The following TRIM2 variants were observed in gnomAD, a reference collection of about 807,000 sequenced individuals.
The protein encoded by TRIM2 is tripartite motif-containing protein 2.
A neutral mutation model predicts 75.2 loss-of-function variants in TRIM2; 20 were observed. That is an observed-to-expected ratio of 0.27 (90% CI 0.19 to 0.39). The LOEUF (loss-of-function observed/expected upper bound fraction) is 0.39. TRIM2 is among the 10% of genes least tolerant of loss of function. TRIM2 has a pLI of 1.00. For synonymous variants in TRIM2, 373 were observed against 388.3 expected, an observed-to-expected ratio of 0.96 and a Z score of 0.46; for missense variants, 660 against 990.8, an observed-to-expected ratio of 0.67 and a Z score of 4.48.
intron 1 of TRIM2, among the ~76,000 whole-genome samples, chr4:153,210,867 G>T (rs139484719): frequency 6.6e-6 from 1 of 152,170 alleles, no homozygotes; most frequent in Non-Finnish European, 1.5e-5. Flanking sequence ...CCCAGAAGCC[G>T]TGTTGGAACT....
chr4:153,241,987 A>T (rs1292401281), intron 1 of TRIM2, among the ~76,000 whole-genome samples: 4 of 152,220 alleles, frequency 2.6e-5, no homozygotes. Context: ...GCAAACAAAC[A>T]TGTGTTAATA....
chr4:153,217,795 A>G (rs1434658642), intron 1 of TRIM2, among the ~76,000 whole-genome samples: 2 of 152,220 alleles, frequency 1.3e-5, no homozygotes, highest in Non-Finnish European at 2.9e-5. Flanking sequence ...ATGTTCACAC[A>G]GTCATAGCCA....
At chr4:153,264,580 T>C (rs1331002532) in intron 1 of TRIM2, among the ~76,000 whole-genome samples, 1 of 152,228 alleles carries the variant, frequency 6.6e-6, no homozygotes, top group South Asian at 2.1e-4. Context: ...AGCATGTATA[T>C]AAAACATTTG....
At chr4:153,170,250 C>A (rs1006734016) in intron 1 of TRIM2, among the ~76,000 whole-genome samples, 2 of 152,196 alleles carry the variant, frequency 1.3e-5, no homozygotes, top group African/African-American at 4.8e-5. Flanking sequence ...TTGTAACAAA[C>A]AAGTTAATCT....
At chr4:153,241,450 TAAACAAAC>T (rs551446868) in intron 1 of TRIM2, among the ~76,000 whole-genome samples, 6 of 152,162 alleles carry the variant, frequency 3.9e-5, no homozygotes, top group Non-Finnish European at 8.8e-5. Context: ...CACCTCTAAC[TAAACAAAC>T]AAATATTCCT....
intron 1 of TRIM2, among the ~76,000 whole-genome samples, chr4:153,205,189 C>T (rs1263555308): frequency 1.3e-5 from 2 of 152,132 alleles, no homozygotes; most frequent in Non-Finnish European, 2.9e-5. Flanking sequence ...TCCTTGACTA[C>T]CCAAGTGAGA....
intron 6 of TRIM2, chr4:153,308,116 T>C: frequency 1.0e-6 from 1 of 981,482 alleles, no homozygotes; most frequent in Non-Finnish European, 1.7e-6. Flanking sequence ...CGCTCGGTCA[T>C]GACGCTGATC....
intron 6 of TRIM2, among the ~76,000 whole-genome samples, chr4:153,313,919 G>A (rs1272535123): frequency 6.6e-6 from 1 of 152,064 alleles, no homozygotes; most frequent in African/African-American, 2.4e-5. Context: ...TTACAGGCAT[G>A]AGCCACTGTT....
intron 1 of TRIM2, among the ~76,000 whole-genome samples, chr4:153,207,875 C>T (rs999234370): frequency 6.6e-6 from 1 of 152,212 alleles, no homozygotes; most frequent in Admixed American, 6.5e-5. Flanking sequence ...ACAGAAATCT[C>T]CCCGGAGGAA....
At chr4:153,198,430 C>T (rs10002605) in intron 1 of TRIM2, among the ~76,000 whole-genome samples, 56,371 of 152,042 alleles carry the variant, frequency 0.37, 10,684 homozygotes, top group Non-Finnish European at 0.4. Context: ...TTCTCTCTTG[C>T]TGCCACCATG....
chr4:153,300,485 C>G lies in TRIM2; in HGVS notation c.1510+4449C>G, dbSNP rs148898094. Among the ~76,000 whole-genome samples, 1,030 of 152,194 alleles carry G rather than the reference C, an allele frequency of 6.8e-3. 13 individuals are homozygous for G. Among genetic ancestry groups the G allele is most frequent in the African/African-American group, 0.023 (971 of 41,512 alleles). On this transcript the variant is annotated intron_variant, in intron 6 of 11. Transcript: ENST00000338700. The stretch of plus-strand genomic sequence containing the variant: ...GTTTTTGGTAATAGCCATTCTAACA[C>G]GTATGAGGTATTATCTCATTGTGGT...
chr4:153,258,161 C>A (rs775447222), intron 1 of TRIM2, among the ~76,000 whole-genome samples: 1 of 152,088 alleles, frequency 6.6e-6, no homozygotes, highest in East Asian at 1.9e-4. Flanking sequence ...GACCCTCCCC[C>A]CACTCTGTCC....
At chr4:153,254,474 C>G (rs1751580755) in intron 1 of TRIM2, among the ~76,000 whole-genome samples, 1 of 152,208 alleles carries the variant, frequency 6.6e-6, no homozygotes, top group African/African-American at 2.4e-5. Context: ...GCTGTAATCC[C>G]AAGAATCCTG....
At chr4:153,318,592 T>A (rs1319931475) in intron 8 of TRIM2, among the ~76,000 whole-genome samples, 1 of 152,206 alleles carries the variant, frequency 6.6e-6, no homozygotes, top group African/African-American at 2.4e-5. Flanking sequence ...TATGACAAGT[T>A]TAATGTGAAT....
chr4:153,202,955 A>T (rs991340811), upstream of TRIM2, among the ~76,000 whole-genome samples: 2 of 151,550 alleles, frequency 1.3e-5, no homozygotes, highest in Non-Finnish European at 2.9e-5. Flanking sequence ...AAATACAAAA[A>T]TTAGCTGGTC....
intron 10 of TRIM2, among the ~76,000 whole-genome samples, chr4:153,326,243 G>C (rs1232573930): frequency 6.6e-6 from 1 of 152,180 alleles, no homozygotes; most frequent in Non-Finnish European, 1.5e-5. Context: ...GGGAAAAATA[G>C]AAAATATGAA....
intron 1 of TRIM2, among the ~76,000 whole-genome samples, chr4:153,223,503 T>G (rs979618483): frequency 1.3e-5 from 2 of 152,186 alleles, no homozygotes; most frequent in African/African-American, 4.8e-5. Context: ...GTACTACAGT[T>G]CGGGCTTATT....
At chr4:153,281,462 T>C (rs751842321) in intron 3 of TRIM2, among the ~76,000 whole-genome samples, 1 of 152,280 alleles carries the variant, frequency 6.6e-6, no homozygotes, top group Non-Finnish European at 1.5e-5. Flanking sequence ...TGTTTGATTA[T>C]AGATTGTAGA....
intron 3 of TRIM2, among the ~76,000 whole-genome samples, chr4:153,276,945 C>G (rs1467421566): frequency 6.6e-6 from 1 of 152,180 alleles, no homozygotes; most frequent in Non-Finnish European, 1.5e-5. Context: ...TAAATGTCAG[C>G]TTTAACATTT....
Sources: allele counts gnomAD v4.1 joint callset (sites outside exome capture counted in the v4.1 genomes callset), GRCh38; gene constraint gnomAD v4.1.1; transcripts MANE v1.5; gene names NCBI Gene and HGNC (gene_info 2026-07-23, HGNC 2026-07-21).